ZHX2: variants seen among roughly 807,000 people sequenced by gnomAD.
ZHX2 encodes zinc fingers and homeoboxes 2, also known as zinc fingers and homeoboxes protein 2.
ZHX2 carries 6 observed loss-of-function variants against 21.9 expected under a neutral mutation model. The observed-to-expected ratio is 0.27, with a 90% confidence interval of 0.15 to 0.54. The LOEUF is 0.54. ZHX2 is among the 20% of genes least tolerant of loss of function. The probability of loss-of-function intolerance (pLI) is 0.95; values close to 1 mark genes in which losing one functional copy is unlikely to be tolerated. For synonymous variants in ZHX2, 434 were observed against 437.1 expected (o/e 0.99, Z 0.09); for missense variants, 908 against 1,090.7 (o/e 0.83, Z 2.36).
At chr8:122,855,442 G>T (rs938303773) in intron 1 of ZHX2, among the ~76,000 whole-genome samples, 2 of 152,072 alleles carry the variant, frequency 1.3e-5, no homozygotes, top group East Asian at 1.9e-4. Context: ...GTCAGAGTGT[G>T]CCCCTAGCTA....
chr8:122,783,010 G>C lies in ZHX2; in HGVS notation c.-283+1064G>C, dbSNP rs535093579. Among the ~76,000 whole-genome samples the C allele has an allele frequency of 2.0e-5, 3 of 152,348 alleles. No individual in the cohort carries two copies. In the South Asian group the frequency reaches 6.2e-4, roughly 32 times the overall value. ...AGTTGGAAACCAGCAGGCATCACAG[G>C]ACGGTCCCTTTGGCCTCGTAGCTGT... On this transcript the variant is annotated intron_variant, in intron 1 of 3. Coordinates refer to ENST00000314393, the MANE Select transcript of ZHX2 (RefSeq NM_014943.5).
At chr8:122,939,031 G>A (rs1477008503) in intron 2 of ZHX2, among the ~76,000 whole-genome samples, 2 of 152,190 alleles carry the variant, frequency 1.3e-5, no homozygotes, top group Non-Finnish European at 2.9e-5. Context: ...GAAGCGGTGA[G>A]CAGGTGTAAT....
At chr8:122,853,302 C>T (rs1818946378) in intron 1 of ZHX2, among the ~76,000 whole-genome samples, 1 of 152,146 alleles carries the variant, frequency 6.6e-6, no homozygotes, top group Non-Finnish European at 1.5e-5. Context: ...TTCTGATCCC[C>T]ACAACTCTCC....
At chr8:122,854,621 T>C (rs551634596) in intron 1 of ZHX2, among the ~76,000 whole-genome samples, 1 of 152,220 alleles carries the variant, frequency 6.6e-6, no homozygotes, top group Non-Finnish European at 1.5e-5. Flanking sequence ...GAGTTAGTCT[T>C]GAATCAGAAC....
chr8:122,816,848 C>G (rs1314445277), intron 1 of ZHX2, among the ~76,000 whole-genome samples: 3 of 152,136 alleles, frequency 2.0e-5, no homozygotes, highest in Non-Finnish European at 4.4e-5. Context: ...GTAACAACCC[C>G]AGAATTTAAA....
At chr8:122,863,587 CAAGGG>C (rs1358599362) in intron 2 of ZHX2, 48 bp downstream of exon 2, 1 of 153,106 alleles carries the variant, frequency 6.5e-6, no homozygotes, top group Non-Finnish European at 1.5e-5. Context: ...TGGATTTCAA[CAAGGG>C]AAAGGAGAGG....
At chr8:122,864,995 T>C (rs1169598121) in intron 2 of ZHX2, among the ~76,000 whole-genome samples, 1 of 152,124 alleles carries the variant, frequency 6.6e-6, no homozygotes, top group Non-Finnish European at 1.5e-5. Flanking sequence ...TGTTTTTCTT[T>C]AAGAAACTGA....
intron 1 of ZHX2, among the ~76,000 whole-genome samples, chr8:122,787,088 G>GGTAT (rs1554622233): frequency 3.4e-4 from 51 of 148,558 alleles, no homozygotes; most frequent in African/African-American, 1.2e-3. Context: ...GATTGGCAGT[G>GGTAT]GTGTGTGTGT....
chr8:122,867,005 G>A (rs987982272), intron 2 of ZHX2, among the ~76,000 whole-genome samples: 2 of 109,442 alleles, frequency 1.8e-5, no homozygotes, highest in Non-Finnish European at 3.9e-5. Flanking sequence ...TTTTTTTTTT[G>A]TATTTTTAGT....
At chr8:122,866,166 C>G (rs997898600) in intron 2 of ZHX2, among the ~76,000 whole-genome samples, 1 of 152,168 alleles carries the variant, frequency 6.6e-6, no homozygotes, top group African/African-American at 2.4e-5. Flanking sequence ...TCCATTGATA[C>G]AGATGGAGAA....
rs887632091 is a variant in ZHX2, at chr8:122,973,418, G to A, written c.*181G>A. ...GCGACTCTCAGACGCACCTCCCAGA[G>A]GACCGGTGGGAATTGTTCATAGTGC... is the stretch of plus-strand genomic sequence containing the variant. On this transcript the variant is annotated 3_prime_UTR_variant, in exon 4 of 4. Transcript: ENST00000314393. 6.5e-6 allele frequency: 1 copy of A among 152,700 alleles called. No homozygotes were observed. The highest frequency in any genetic ancestry group is 1.5e-5 in the Non-Finnish European group (1 of 68,102). The allele number at this position is 152,700 out of a possible 1,614,324, so 9.5% of individuals were successfully genotyped here.
chr8:122,826,878 T>C (rs572900513), intron 1 of ZHX2, among the ~76,000 whole-genome samples: 1 of 152,282 alleles, frequency 6.6e-6, no homozygotes, highest in African/African-American at 2.4e-5. Context: ...ACTCTTAATA[T>C]AGGTTTGTTA....
At chr8:122,923,503 G>T (rs967560362) in intron 2 of ZHX2, among the ~76,000 whole-genome samples, 3 of 152,194 alleles carry the variant, frequency 2.0e-5, no homozygotes, top group Non-Finnish European at 4.4e-5. Flanking sequence ...ATATTATACT[G>T]GTCAAAGCAG....
intron 1 of ZHX2, among the ~76,000 whole-genome samples, chr8:122,829,927 G>C (rs1818336275): frequency 6.6e-6 from 1 of 152,180 alleles, no homozygotes; most frequent in Non-Finnish European, 1.5e-5. Context: ...TTTGACACTA[G>C]GGAGAGTCTG....
intron 2 of ZHX2, among the ~76,000 whole-genome samples, chr8:122,935,412 G>A (rs368169478): frequency 9.2e-5 from 14 of 152,006 alleles, no homozygotes; most frequent in African/African-American, 2.2e-4. Flanking sequence ...GTCACGGGTC[G>A]TCAGTGAGCC....
rs112692142 is a variant in ZHX2 at position 122,862,795 on chromosome 8, C to A, written c.-282-682C>A. ...TGGGGAGTGAGAACGGTGTGCCCTC[C>A]GCGGCAGCTCCCTGGCTCGGTGGCT... On this transcript the variant is annotated intron_variant, in intron 1 of 3. Coordinates refer to ENST00000314393, the MANE Select transcript of ZHX2 (RefSeq NM_014943.5). Among the ~76,000 whole-genome samples, 496 of 152,292 alleles carry A rather than the reference C, an allele frequency of 3.3e-3. 3 individuals are homozygous for A. The highest frequency in any genetic ancestry group is 0.012 in the African/African-American group (481 of 41,558).
chr8:122,865,288 C>T (rs1292844567), intron 2 of ZHX2, among the ~76,000 whole-genome samples: 2 of 152,090 alleles, frequency 1.3e-5, no homozygotes, highest in Admixed American at 6.5e-5. Context: ...ACCACCACGC[C>T]CAGCTAATTT....
chr8:122,818,486 C>A (rs1036704598), intron 1 of ZHX2, among the ~76,000 whole-genome samples: 1 of 152,122 alleles, frequency 6.6e-6, no homozygotes, highest in African/African-American at 2.4e-5. Context: ...GACCCGCTCC[C>A]TCCTCCCTCT....
intron 2 of ZHX2, among the ~76,000 whole-genome samples, chr8:122,896,675 G>A (rs906885891): frequency 1.1e-4 from 16 of 152,134 alleles, no homozygotes; most frequent in African/African-American, 3.9e-4. Flanking sequence ...AGGATACCAG[G>A]GTTCAGACAC....
Sources: allele counts gnomAD v4.1 joint callset (sites outside exome capture counted in the v4.1 genomes callset), GRCh38; gene constraint gnomAD v4.1.1; transcripts MANE v1.5; gene names NCBI Gene and HGNC (gene_info 2026-07-23, HGNC 2026-07-21).